The following SHANK1 variants were observed in gnomAD, a reference collection of about 807,000 sequenced individuals.
SHANK1 encodes SH3 and multiple ankyrin repeat domains protein 1.
SHANK1 carries 35 observed loss-of-function variants against 165.6 expected under a neutral mutation model. The ratio of observed to expected loss-of-function variants is 0.21; its 90% confidence interval spans 0.16 to 0.28. The LOEUF (loss-of-function observed/expected upper bound fraction) is 0.28. Among genes scored for constraint, SHANK1 ranks in the 10% least tolerant of loss-of-function variants. The probability of loss-of-function intolerance (pLI) is 1.00; values close to 1 mark genes in which losing one functional copy is unlikely to be tolerated. For synonymous variants in SHANK1, 1,428 were observed against 1,384.8 expected (o/e 1.03, Z -0.69); for missense variants, 2,681 against 3,036.4 (o/e 0.88, Z 2.75).
chr19:50,703,360 G>A lies in SHANK1; in HGVS notation c.1553+140C>T, dbSNP rs73598649. 7.3e-3 allele frequency: 5,063 copies of A among 697,810 alleles called. 66 individuals carry two copies. The highest frequency in any genetic ancestry group is 0.038 in the African/African-American group (2,048 of 54,128). The allele number at this position is 697,810 out of a possible 1,614,324, so 43.2% of individuals were successfully genotyped here. A position where few individuals can be genotyped will look rare whatever the true frequency, so the allele number is the denominator to read the frequency against. On this transcript the variant is annotated intron_variant, in intron 11 of 23. Coordinates refer to ENST00000293441, the MANE Select transcript of SHANK1 (RefSeq NM_016148.5). Reference sequence around the variant, plus strand: ...TCGGGACAGTAGCTCCCAAGGCCTTGCTTTACCCCAAGGTGACACTAGGGA... The same window carrying A: ...TCGGGACAGTAGCTCCCAAGGCCTTACTTTACCCCAAGGTGACACTAGGGA...
In SHANK1 at chr19:50,667,620, C is replaced by T. The variant is rs1415945599; in HGVS notation, c.4340G>A (p.Arg1447His). 1 of 1,435,096 alleles carries T rather than the reference C, an allele frequency of 7.0e-7. No individual in the cohort carries two copies. Among genetic ancestry groups the T allele is most frequent in the Admixed American group, 2.9e-5 (1 of 35,050 alleles). The allele number at this position is 1,435,096 out of a possible 1,614,324, so 88.9% of individuals were successfully genotyped here. A position where few individuals can be genotyped will look rare whatever the true frequency, so the allele number is the denominator to read the frequency against. The change falls in exon 23 of 24, where the codon CGC becomes CAC. Residue 1447 changes from arginine (R) to histidine (H), a missense_variant. Coordinates refer to ENST00000293441, the MANE Select transcript of SHANK1 (RefSeq NM_016148.5). The surrounding 1 kb of genome is among the most constrained non-coding windows in gnomAD (Gnocchi z 5.7). ...CACCCCGGGAGCGGTGGGCGGCAGG[C>T]GGTGTAGCAGGGAACGCCGGGCGGC... The part of the protein sequence containing the change: ...PPAARRSLLH[R>H]LPPTAPGVGP...
chr19:50,668,135 C>A lies in SHANK1; in HGVS notation c.3825G>T (p.Gly1275=). 6.8e-7 allele frequency: 1 copy of A among 1,471,928 alleles called. No individual in the cohort carries two copies. The highest frequency in any genetic ancestry group is 1.3e-5 in the South Asian group (1 of 76,916). The allele number at this position is 1,471,928 out of a possible 1,614,324, so 91.2% of individuals were successfully genotyped here. ...GGCGCAGCCGCGGGCCCGGGGCCGC[C>A]CCTGTGCCCAGCCCGCCGTCCCCGC... ...EDGGDGGLGT[G]AAPGPRLRHS... is the part of the protein sequence containing the mutation. The change falls in exon 23 of 24, where the codon GGG becomes GGT. Residue 1275 remains glycine, a synonymous_variant. Transcript: ENST00000293441.
intron 12 of SHANK1, among the ~76,000 whole-genome samples, chr19:50,699,925 T>A (rs1986857134): frequency 8.0e-6 from 1 of 124,518 alleles, no homozygotes; most frequent in East Asian, 2.5e-4. Context: ...CTCGGGGCAT[T>A]GGAGGATTGG....
In SHANK1 at chr19:50,659,777, C is replaced by T. The variant is rs1416334959; in HGVS notation, c.*2188G>A. ...TCCCCACCCCGACCTCTCCTCCCCC[C>T]CCCACCCCCTACACCCTCCCCAACC... On this transcript the variant is annotated 3_prime_UTR_variant, in exon 24 of 24. Coordinates refer to ENST00000293441, the MANE Select transcript of SHANK1 (RefSeq NM_016148.5). 7.7e-5 allele frequency among the ~76,000 whole-genome samples: 11 copies of T among 143,760 alleles called. No homozygotes were observed. Among genetic ancestry groups the T allele is most frequent in the Non-Finnish European group, 1.4e-4 (9 of 65,076 alleles). 94.3% of individuals were successfully genotyped at this position (143,760 alleles called of 152,430 possible).
chr19:50,676,047 T>C (rs1985968496), intron 21 of SHANK1, among the ~76,000 whole-genome samples: 1 of 151,924 alleles, frequency 6.6e-6, no homozygotes. Flanking sequence ...CTCCTGTCTG[T>C]AATCTCAGCA....
intron 8 of SHANK1, among the ~76,000 whole-genome samples, chr19:50,706,105 T>A (rs1347632475): frequency 6.9e-6 from 1 of 145,492 alleles, no homozygotes; most frequent in Non-Finnish European, 1.5e-5. Context: ...GCTGCAAAGA[T>A]CCTTGTTCAT....
chr19:50,673,780 C>T (rs908179823), intron 21 of SHANK1, among the ~76,000 whole-genome samples: 3 of 151,216 alleles, frequency 2.0e-5, no homozygotes, highest in South Asian at 2.1e-4. Context: ...TGGATAATAT[C>T]GGTCTTTGCA....
At chr19:50,678,338 C>A (rs1986046470) in intron 21 of SHANK1, among the ~76,000 whole-genome samples, 1 of 151,574 alleles carries the variant, frequency 6.6e-6, no homozygotes, top group Non-Finnish European at 1.5e-5. Flanking sequence ...GAGAGGACAG[C>A]AAGAACAGAG....
Position 50,688,369 on chromosome 19 carries a change from G to A in SHANK1, c.2173-311C>T. 6.6e-6 allele frequency among the ~76,000 whole-genome samples: 1 copy of A among 151,870 alleles called. No individual in the cohort carries two copies. Among genetic ancestry groups the A allele is most frequent in the East Asian group, 1.9e-4 (1 of 5,172 alleles). On this transcript the variant is annotated intron_variant, in intron 17 of 23. Transcript: ENST00000293441. This position sits in a 1 kb window ranked among gnomAD's most constrained non-coding sequence, Gnocchi z 6.7. ...GGTCTCTCTCTGTCACCCAGGTTGG[G>A]GTGCAGTGGCCCAATCATGGCTCAC...
At position 50,661,847 on chromosome 19, in the gene SHANK1, G is replaced by A; in HGVS notation, c.*118C>T. ...CCTCTGGCCTTGGGAGATGAGGGCA[G>A]GGCGCAGTTTGAACAGAGTCCCTGG... On this transcript the variant is annotated 3_prime_UTR_variant, in exon 24 of 24. Transcript: ENST00000293441. 3 of 1,175,016 alleles carry A rather than the reference G, an allele frequency of 2.6e-6. No individual in the cohort carries two copies. The highest frequency in any genetic ancestry group is 3.7e-6 in the Non-Finnish European group (3 of 815,030). The allele number at this position is 1,175,016 out of a possible 1,614,324, so 72.8% of individuals were successfully genotyped here.
chr19:50,687,912 C>T lies in SHANK1; in HGVS notation c.2308+11G>A, dbSNP rs759236228. ...GCAGTGGGGTGGCTGCGAGAGTGGC[C>T]GCAGGAGCACCTTTCTTGTGCACTG... On this transcript the variant is annotated intron_variant, in intron 18 of 23. Transcript: ENST00000293441. The T allele has an allele frequency of 5.3e-5, 86 of 1,613,666 alleles. No homozygotes were observed. The highest frequency in any genetic ancestry group is 6.8e-5 in the Non-Finnish European group (80 of 1,179,892).
At chr19:50,664,125 T>TC (rs1381839318) in intron 23 of SHANK1, among the ~76,000 whole-genome samples, 3 of 134,340 alleles carry the variant, frequency 2.2e-5, no homozygotes, top group African/African-American at 5.9e-5. Context: ...TTTCTTTCTT[T>TC]TTTTTTTTTT....
Position 50,660,212 on chromosome 19 carries a change from C to T in SHANK1, c.*1753G>A, listed in dbSNP as rs1215759607. On this transcript the variant is annotated 3_prime_UTR_variant, in exon 24 of 24. Transcript: ENST00000293441. ...AGGGGTGGCTTAACATTCCCAAGCCCCGGGAATAAGCGGAGAGAGGAAGCG... is the reference window on the plus strand; with the variant it reads ...AGGGGTGGCTTAACATTCCCAAGCCTCGGGAATAAGCGGAGAGAGGAAGCG... Among the ~76,000 whole-genome samples the T allele has an allele frequency of 1.2e-5, 1 of 83,166 alleles. No homozygotes were observed. The highest frequency in any genetic ancestry group is 3.6e-5 in the Non-Finnish European group (1 of 28,040). 54.6% of individuals were successfully genotyped at this position (83,166 alleles called of 152,430 possible). A position where few individuals can be genotyped will look rare whatever the true frequency, so the allele number is the denominator to read the frequency against.
Position 50,713,165 on chromosome 19 carries a change from G to A in SHANK1, c.792+633C>T, listed in dbSNP as rs2089027981. On this transcript the variant is annotated intron_variant, in intron 6 of 23. Transcript: ENST00000293441. The surrounding 1 kb of genome is among the most constrained non-coding windows in gnomAD (Gnocchi z 6.2). ...TGCTTCTCAATGGCTGTCTTTGGGGGCAGCCCATCCTGACCCTCATGTGAA... is the reference window on the plus strand; with the variant it reads ...TGCTTCTCAATGGCTGTCTTTGGGGACAGCCCATCCTGACCCTCATGTGAA... Among the ~76,000 whole-genome samples the A allele has an allele frequency of 6.6e-6, 1 of 152,190 alleles. No homozygotes were observed. Among genetic ancestry groups the A allele is most frequent in the African/African-American group, 2.4e-5 (1 of 41,434 alleles).
Position 50,704,192 on chromosome 19 carries a change from G to A in SHANK1, c.1156-6C>T, listed in dbSNP as rs759751962. ...TTCCCAGCAATCACTGCCACCTGGA[G>A]GGAGGGGGTAGAGGCAGGTCGGCCA... On this transcript the variant is annotated splice_region_variant and splice_polypyrimidine_tract_variant and intron_variant, in intron 9 of 23. Transcript: ENST00000293441. 6.2e-7 allele frequency: 1 copy of A among 1,613,884 alleles called. No individual in the cohort carries two copies. Among genetic ancestry groups the A allele is most frequent in the South Asian group, 1.1e-5 (1 of 91,056 alleles).
chr19:50,709,363 A>C (rs549179073), intron 8 of SHANK1, among the ~76,000 whole-genome samples: 1 of 152,014 alleles, frequency 6.6e-6, no homozygotes, highest in Non-Finnish European at 1.5e-5. Flanking sequence ...GGATGGTCTC[A>C]ATCTCCTGAC....
intron 21 of SHANK1, among the ~76,000 whole-genome samples, chr19:50,680,735 A>G (rs1049279896): frequency 2.0e-5 from 3 of 150,658 alleles, no homozygotes; most frequent in Non-Finnish European, 4.4e-5. Flanking sequence ...GGCTCACTGC[A>G]ACCTCTGCCT....
chr19:50,718,589 C>T lies in SHANK1; in HGVS notation c.-44+817G>A, dbSNP rs1178855046. Among the ~76,000 whole-genome samples the T allele has an allele frequency of 6.6e-6, 1 of 152,074 alleles. No homozygotes were observed. Among genetic ancestry groups the T allele is most frequent in the East Asian group, 1.9e-4 (1 of 5,142 alleles). On this transcript the variant is annotated intron_variant, in intron 1 of 23. Transcript: ENST00000293441. The surrounding 1 kb of genome is among the most constrained non-coding windows in gnomAD (Gnocchi z 5.1). ...GCTCCGCGGCTAAGAATAGCTGGCA[C>T]GCAGCTGGTACCGAGACGGGCTGAG...
intron 1 of SHANK1, among the ~76,000 whole-genome samples, chr19:50,719,143 G>T (rs2089104333): frequency 6.6e-6 from 1 of 150,630 alleles, no homozygotes; most frequent in African/African-American, 2.4e-5. Flanking sequence ...CCGGGAGGCG[G>T]GTTCGGGATA....
Sources: allele counts gnomAD v4.1 joint callset (sites outside exome capture counted in the v4.1 genomes callset), GRCh38; gene constraint gnomAD v4.1.1; non-coding constraint Gnocchi (gnomAD v3.1); transcripts MANE v1.5; gene names NCBI Gene and HGNC (gene_info 2026-07-23, HGNC 2026-07-21).